SPHKAP: variants seen among roughly 807,000 people sequenced by gnomAD.
The protein encoded by SPHKAP is A-kinase anchor protein SPHKAP.
Under a neutral mutation model 137.5 loss-of-function variants are expected in SPHKAP, and 67 were observed. The observed-to-expected ratio is 0.49, with a 90% confidence interval of 0.40 to 0.60. SPHKAP has a LOEUF of 0.60. Ranked by LOEUF, SPHKAP falls within the 20% of genes least tolerant of loss-of-function variation. The probability of loss-of-function intolerance (pLI) is 0.00; values close to 1 mark genes in which losing one functional copy is unlikely to be tolerated. For missense variants in SPHKAP, 2,097 were observed against 2,069.3 expected (o/e 1.01, Z -0.26); for synonymous variants, 813 against 785.3 (o/e 1.04, Z -0.59).
intron 7 of SPHKAP, among the ~76,000 whole-genome samples, chr2:228,009,263 G>A (rs1574739637): frequency 6.6e-6 from 1 of 152,006 alleles, no homozygotes; most frequent in East Asian, 1.9e-4. Flanking sequence ...AGTATATAAT[G>A]TTTCTTTTTC....
intron 1 of SPHKAP, among the ~76,000 whole-genome samples, chr2:228,133,229 C>T (rs1191800040): frequency 6.6e-6 from 1 of 151,922 alleles, no homozygotes; most frequent in Non-Finnish European, 1.5e-5. Context: ...ATAGCTTGAA[C>T]CCAGGAGGTG....
intron 3 of SPHKAP, among the ~76,000 whole-genome samples, chr2:228,038,957 A>G (rs1357368194): frequency 6.6e-6 from 1 of 152,262 alleles, no homozygotes; most frequent in Non-Finnish European, 1.5e-5. Flanking sequence ...GCTATTGGCT[A>G]CCATTTCCAG....
intron 1 of SPHKAP, among the ~76,000 whole-genome samples, chr2:228,139,055 A>G (rs1047728279): frequency 1.3e-5 from 2 of 152,310 alleles, no homozygotes. Context: ...CCATTCTTAG[A>G]AGAAAGAATG....
rs565345952 is a variant in SPHKAP, at chr2:228,017,246, T to A, written c.3608A>T (p.Glu1203Val). The A allele has an allele frequency of 6.2e-7, 1 of 1,614,044 alleles. No homozygotes were observed. Among genetic ancestry groups the A allele is most frequent in the Admixed American group, 1.7e-5 (1 of 60,006 alleles). The change falls in exon 7 of 12, where the codon GAA becomes GTA. Residue 1203 changes from glutamate (E) to valine (V), a missense_variant. By Grantham distance (121) the Glu-to-Val change is moderately radical (BLOSUM62 -2). Coordinates refer to ENST00000392056, the MANE Select transcript of SPHKAP (RefSeq NM_001142644.2). The part of the protein sequence containing the change: ...EFYRYMLRDI[E>V]RDSRESASSR... ...GGAGGCACTTTCTCTGCTGTCTCTT[T>A]CGATGTCCCTCAGCATGTACCTGTA...
At chr2:228,081,868 T>G (rs1232467620) in intron 3 of SPHKAP, among the ~76,000 whole-genome samples, 1 of 152,130 alleles carries the variant, frequency 6.6e-6, no homozygotes, top group Non-Finnish European at 1.5e-5. Context: ...TCAAGAAATC[T>G]ATTGTAGAAG....
intron 3 of SPHKAP, among the ~76,000 whole-genome samples, chr2:228,077,120 T>C (rs1250683260): frequency 6.6e-6 from 1 of 152,208 alleles, no homozygotes; most frequent in East Asian, 1.9e-4. Flanking sequence ...AAGTCAAGAA[T>C]TGAGGTTTGG....
At chr2:228,138,408 A>T (rs1458670248) in intron 1 of SPHKAP, among the ~76,000 whole-genome samples, 3 of 152,208 alleles carry the variant, frequency 2.0e-5, no homozygotes, top group East Asian at 1.9e-4. Context: ...CCAGTACAAA[A>T]TTTTTCATTT....
intron 3 of SPHKAP, among the ~76,000 whole-genome samples, chr2:228,099,914 A>G (rs1698135222): frequency 6.6e-6 from 1 of 151,768 alleles, no homozygotes; most frequent in South Asian, 2.1e-4. Flanking sequence ...CAGTGGCGCA[A>G]TCTCGGCTCA....
intron 5 of SPHKAP, among the ~76,000 whole-genome samples, chr2:228,024,248 C>G (rs991679661): frequency 6.6e-6 from 1 of 151,936 alleles, no homozygotes; most frequent in Non-Finnish European, 1.5e-5. Context: ...ATGTCAATAC[C>G]AATTTTCATA....
chr2:228,139,822 G>T (rs1332076571), intron 1 of SPHKAP, among the ~76,000 whole-genome samples: 2 of 151,724 alleles, frequency 1.3e-5, no homozygotes, highest in Non-Finnish European at 1.5e-5. Context: ...AGTTAATTTT[G>T]CATGAATATG....
chr2:228,049,303 C>T (rs1221446074), intron 3 of SPHKAP, among the ~76,000 whole-genome samples: 1 of 152,180 alleles, frequency 6.6e-6, no homozygotes, highest in Admixed American at 6.5e-5. Flanking sequence ...TTTTAAATAA[C>T]TATGTAAGTA....
At chr2:228,021,683 C>T (rs760263331) in intron 6 of SPHKAP, 28 bp downstream of exon 6, 2 of 1,568,828 alleles carry the variant, frequency 1.3e-6, no homozygotes, top group Non-Finnish European at 1.7e-6. Context: ...GGACTAATTT[C>T]AGGAGGCACT....
chr2:228,122,801 C>A (rs1042880807), intron 2 of SPHKAP, among the ~76,000 whole-genome samples: 1 of 152,164 alleles, frequency 6.6e-6, no homozygotes, highest in African/African-American at 2.4e-5. Flanking sequence ...CAGAGGTTTT[C>A]TTAGATGGTG....
chr2:228,137,056 C>T (rs566176962), intron 1 of SPHKAP, among the ~76,000 whole-genome samples: 50 of 152,264 alleles, frequency 3.3e-4, no homozygotes, highest in East Asian at 2.5e-3. Flanking sequence ...AACACACTTA[C>T]GCTCCTGCCT....
chr2:228,050,642 T>C (rs975418895), intron 3 of SPHKAP, among the ~76,000 whole-genome samples: 1 of 152,204 alleles, frequency 6.6e-6, no homozygotes, highest in African/African-American at 2.4e-5. Flanking sequence ...GCTAGAAACA[T>C]TTGAATTCTT....
At position 227,992,935 on chromosome 2, in the gene SPHKAP, C is replaced by T. The variant is rs183130925; in HGVS notation, c.4721+599G>A. ...TAACCACATATTCTAGAAGTAGTCC[C>T]GACCTCATGCTGCCCTCTCTTTTTG... On this transcript the variant is annotated intron_variant, in intron 9 of 11. Transcript: ENST00000392056. Among the ~76,000 whole-genome samples the T allele has an allele frequency of 3.8e-3, 581 of 152,192 alleles. 10 individuals are homozygous for T. The highest frequency in any genetic ancestry group is 3.2e-3 in the Non-Finnish European group (217 of 68,012).
chr2:228,152,356 T>G (rs1027594974), intron 1 of SPHKAP, among the ~76,000 whole-genome samples: 5 of 152,214 alleles, frequency 3.3e-5, no homozygotes, highest in Non-Finnish European at 5.9e-5. Flanking sequence ...TAGCATATCT[T>G]GCTGGCAATG....
intron 2 of SPHKAP, among the ~76,000 whole-genome samples, chr2:228,119,868 A>G (rs1698851662): frequency 6.6e-6 from 1 of 152,102 alleles, no homozygotes; most frequent in Non-Finnish European, 1.5e-5. Context: ...TCCTCCTTTG[A>G]CAAAAAGGAG....
chr2:228,048,029 T>C (rs1314469094), intron 3 of SPHKAP, among the ~76,000 whole-genome samples: 1 of 152,160 alleles, frequency 6.6e-6, no homozygotes, highest in African/African-American at 2.4e-5. Flanking sequence ...TTTTAAATAC[T>C]GGGGAGTGAC....
Sources: gnomAD v4.1 joint callset for allele counts (sites outside exome capture counted in the v4.1 genomes callset) on GRCh38, gnomAD v4.1.1 for gene constraint, MANE v1.5 for transcripts, NCBI Gene and HGNC (gene_info 2026-07-23, HGNC 2026-07-21) for gene names.